PHLPP1: variants seen among roughly 807,000 people sequenced by gnomAD.
The protein encoded by PHLPP1 is PH domain leucine-rich repeat-containing protein phosphatase 1.
PHLPP1 carries 42 observed loss-of-function variants against 117.2 expected under a neutral mutation model. The observed-to-expected ratio is 0.36, with a 90% CI of 0.28 to 0.46. The LOEUF is 0.46. PHLPP1 is among the 20% of genes least tolerant of loss of function. PHLPP1 has a pLI of 1.00. For synonymous variants in PHLPP1, 1,042 were observed against 970.7 expected (o/e 1.07, Z -1.37); for missense variants, 2,084 against 2,241.9 (o/e 0.93, Z 1.42).
chr18:62,965,452 CTTTTTTTTTTT>C (rs34187461), intron 14 of PHLPP1, among the ~76,000 whole-genome samples: 2 of 76,144 alleles, frequency 2.6e-5, no homozygotes, highest in Non-Finnish European at 4.7e-5. Flanking sequence ...TAATCAGCCT[CTTTTTTTTTTT>C]TTTTTTTTTT....
chr18:62,854,262 T>C (rs1278184167), intron 3 of PHLPP1, among the ~76,000 whole-genome samples: 1 of 152,256 alleles, frequency 6.6e-6, no homozygotes, highest in Non-Finnish European at 1.5e-5. Context: ...GCACTTTCTA[T>C]ATATGCCTGT....
At chr18:62,884,243 G>T (rs942716358) in intron 4 of PHLPP1, among the ~76,000 whole-genome samples, 7 of 152,096 alleles carry the variant, frequency 4.6e-5, no homozygotes, top group Non-Finnish European at 7.3e-5. Flanking sequence ...ATGTGGAGGG[G>T]GCTATCTCCT....
chr18:62,857,196 A>G (rs1309671159), intron 3 of PHLPP1, among the ~76,000 whole-genome samples: 3 of 152,236 alleles, frequency 2.0e-5, no homozygotes, highest in Non-Finnish European at 1.5e-5. Context: ...TTGGTGGCTT[A>G]AAACAATAGA....
Position 62,838,921 on chromosome 18 carries a change from C to A in PHLPP1, c.1899+12C>A. ...GACAAGTCTCCAAGGTAAGCAAGCA[C>A]TTAATCCAGGAATCCACTCAGCTTC... On this transcript the variant is annotated intron_variant, in intron 3 of 16. Coordinates refer to ENST00000262719, the MANE Select transcript of PHLPP1 (RefSeq NM_194449.4). 1 of 1,613,574 alleles carries A rather than the reference C, an allele frequency of 6.2e-7. No homozygotes were observed. Among genetic ancestry groups the A allele is most frequent in the Non-Finnish European group, 8.5e-7 (1 of 1,179,692 alleles).
At chr18:62,918,447 T>TATATATA (rs10530316) in intron 9 of PHLPP1, among the ~76,000 whole-genome samples, 3 of 149,708 alleles carry the variant, frequency 2.0e-5, no homozygotes, top group Non-Finnish European at 4.5e-5. Context: ...TATATATATA[T>TATATATA]GATGAACCAC....
chr18:62,762,129 G>T, intron 1 of PHLPP1, among the ~76,000 whole-genome samples: 1 of 151,900 alleles, frequency 6.6e-6, no homozygotes, highest in South Asian at 2.1e-4. Context: ...CAGCTAAATA[G>T]AATCCTGTTT....
chr18:62,827,890 C>T (rs76983329), intron 1 of PHLPP1, among the ~76,000 whole-genome samples: 8,635 of 152,216 alleles, frequency 0.057, 339 homozygotes, highest in Middle Eastern at 0.088. Flanking sequence ...CTTATGTACC[C>T]CTGTTCCCTT....
intron 1 of PHLPP1, among the ~76,000 whole-genome samples, chr18:62,809,716 A>T (rs1178740443): frequency 6.6e-6 from 1 of 152,064 alleles, no homozygotes; most frequent in Non-Finnish European, 1.5e-5. Context: ...AAAAAAAGTC[A>T]TTGGCATTTC....
At chr18:62,965,540 A>G (rs1910877220) in intron 14 of PHLPP1, among the ~76,000 whole-genome samples, 1 of 146,354 alleles carries the variant, frequency 6.8e-6, no homozygotes, top group African/African-American at 2.6e-5. Flanking sequence ...GCTCACTGCA[A>G]TTTCTGCCTC....
At position 62,766,058 on chromosome 18, in the gene PHLPP1, C is replaced by T. The variant is rs57110350; in HGVS notation, c.1576+48799C>T. Among the ~76,000 whole-genome samples the T allele has an allele frequency of 4.0e-4, 3 of 7,548 alleles. 1 individual carries two copies. The East Asian group carries it at 0.019, about 49-fold the overall frequency. The allele number at this position is 7,548 out of a possible 152,430, so 5.0% of individuals were successfully genotyped here. ...CCTGGGCGACAGAGCTAGACTCCAT[C>T]TCAAAAAAAAAAAAAAAAATATATA... On this transcript the variant is annotated intron_variant, in intron 1 of 16. Transcript: ENST00000262719.
At chr18:62,770,173 T>C (rs1479828638) in intron 1 of PHLPP1, among the ~76,000 whole-genome samples, 1 of 152,212 alleles carries the variant, frequency 6.6e-6, no homozygotes. Context: ...TGCACTGGCA[T>C]GATCTTGGCT....
intron 1 of PHLPP1, among the ~76,000 whole-genome samples, chr18:62,789,034 G>A (rs1242980538): frequency 6.6e-6 from 1 of 152,120 alleles, no homozygotes; most frequent in African/African-American, 2.4e-5. Flanking sequence ...GTTGTGGCAG[G>A]GAAGCCCATA....
intron 5 of PHLPP1, 100 bp downstream of exon 5, chr18:62,895,257 A>G: frequency 7.9e-7 from 1 of 1,258,836 alleles, no homozygotes; most frequent in Non-Finnish European, 1.1e-6. Flanking sequence ...TATGTTGCTC[A>G]TGTAAGTCTT....
chr18:62,763,032 A>C (rs1240124466), intron 1 of PHLPP1, among the ~76,000 whole-genome samples: 5 of 152,216 alleles, frequency 3.3e-5, no homozygotes, highest in Admixed American at 2.6e-4. Context: ...TACACTTTGC[A>C]GCTAAATCCA....
intron 12 of PHLPP1, among the ~76,000 whole-genome samples, chr18:62,956,247 A>G (rs1910608648): frequency 6.6e-6 from 1 of 152,200 alleles, no homozygotes; most frequent in Non-Finnish European, 1.5e-5. Context: ...TCCAAGATGA[A>G]GGTACCAGCA....
chr18:62,949,237 T>C (rs1910383454), intron 12 of PHLPP1, among the ~76,000 whole-genome samples: 1 of 152,230 alleles, frequency 6.6e-6, no homozygotes, highest in African/African-American at 2.4e-5. Flanking sequence ...TCACCAAGCA[T>C]TGCTATCTTT....
chr18:62,823,250 G>C (rs1457151718), intron 1 of PHLPP1, among the ~76,000 whole-genome samples: 1 of 152,130 alleles, frequency 6.6e-6, no homozygotes, highest in Non-Finnish European at 1.5e-5. Context: ...GCCAGACTGG[G>C]AGAAAATATT....
intron 1 of PHLPP1, among the ~76,000 whole-genome samples, chr18:62,774,474 A>G (rs1244183751): frequency 5.3e-5 from 8 of 152,182 alleles, no homozygotes; most frequent in Non-Finnish European, 1.2e-4. Context: ...TCTAAATGTG[A>G]TGATAACTGT....
In PHLPP1 at chr18:62,978,790, G is replaced by T; in HGVS notation, c.4513G>T (p.Glu1505Ter). ...TGAGCCCCCGCCCGGAGCCCTAAGCGAGAACAGCCCTGCCTACCCCAGTGA... is the reference window on the plus strand; with the variant it reads ...TGAGCCCCCGCCCGGAGCCCTAAGCTAGAACAGCCCTGCCTACCCCAGTGA... ...SDEPPPGALS[E>*]NSPAYPSEQR... The change falls in exon 17 of 17, where the codon GAG becomes TAG. Residue 1505 changes from glutamate (E) to a stop codon, truncating the protein, a stop_gained. Transcript: ENST00000262719. LOFTEE classifies it low-confidence loss of function (END_TRUNC). This position sits in a 1 kb window ranked among gnomAD's most constrained non-coding sequence, Gnocchi z 7.0. 6.2e-7 allele frequency: 1 copy of T among 1,612,374 alleles called. No homozygotes were observed.
Sources: allele counts gnomAD v4.1 joint callset (sites outside exome capture counted in the v4.1 genomes callset), GRCh38; gene constraint gnomAD v4.1.1; non-coding constraint Gnocchi (gnomAD v3.1); transcripts MANE v1.5; gene names NCBI Gene and HGNC (gene_info 2026-07-23, HGNC 2026-07-21).